The following ZDHHC21 variants were observed in gnomAD, a reference collection of about 807,000 sequenced individuals.
The protein encoded by ZDHHC21 is zDHHC palmitoyltransferase 21.
A neutral mutation model predicts 34.6 loss-of-function variants in ZDHHC21; 15 were observed. The observed-to-expected ratio is 0.43, with a 90% CI of 0.29 to 0.67. The LOEUF (loss-of-function observed/expected upper bound fraction) is 0.67. Among genes scored for constraint, ZDHHC21 ranks in the 30% least tolerant of loss-of-function variants. The pLI, the probability that ZDHHC21 is intolerant of heterozygous loss-of-function variation, is 0.14. For synonymous variants in ZDHHC21, 142 were observed against 101.8 expected, an observed-to-expected ratio of 1.40 and a Z score of -2.38; for missense variants, 344 against 327.7, an observed-to-expected ratio of 1.05 and a Z score of -0.38.
chr9:14,622,963 T>C (rs1376996405), intron 8 of ZDHHC21, among the ~76,000 whole-genome samples: 1 of 152,096 alleles, frequency 6.6e-6, no homozygotes. Context: ...CGTAGTTACC[T>C]AATGACTCTA....
the ZDHHC21 span, among the ~76,000 whole-genome samples, chr9:14,602,347 A>G: frequency 6.6e-6 from 1 of 152,068 alleles, no homozygotes; most frequent in Non-Finnish European, 1.5e-5. Flanking sequence ...GGACCTCATA[A>G]AGTGACAAAG....
At chr9:14,683,468 T>A (rs1332081308) in intron 2 of ZDHHC21, 1 of 152,184 alleles carries the variant, frequency 6.6e-6, no homozygotes, top group African/African-American at 2.4e-5. Flanking sequence ...GATAAATTCC[T>A]GGACACATAC....
chr9:14,656,749 C>T (rs1587195450), intron 7 of ZDHHC21, among the ~76,000 whole-genome samples: 1 of 151,990 alleles, frequency 6.6e-6, no homozygotes, highest in African/African-American at 2.4e-5. Flanking sequence ...TTTCTAACAA[C>T]CAACATAATG....
intron 3 of ZDHHC21, among the ~76,000 whole-genome samples, chr9:14,678,641 T>C (rs545379472): frequency 4.1e-4 from 62 of 152,184 alleles, no homozygotes; most frequent in African/African-American, 1.4e-3. Flanking sequence ...GGTAAAACTC[T>C]TTTACACAGC....
intron 2 of ZDHHC21, chr9:14,683,779 G>T (rs1321957542): frequency 6.6e-6 from 1 of 152,248 alleles, no homozygotes; most frequent in African/African-American, 2.4e-5. Context: ...TATCCCTGAT[G>T]TACATCGATG....
intron 8 of ZDHHC21, among the ~76,000 whole-genome samples, chr9:14,630,351 A>G (rs898891863): frequency 6.6e-6 from 1 of 152,226 alleles, no homozygotes; most frequent in African/African-American, 2.4e-5. Context: ...CATTCATTCA[A>G]CACTGATCAT....
At chr9:14,660,995 T>G (rs1220491032) in intron 6 of ZDHHC21, among the ~76,000 whole-genome samples, 1 of 152,186 alleles carries the variant, frequency 6.6e-6, no homozygotes, top group Non-Finnish European at 1.5e-5. Flanking sequence ...AACAGATCAC[T>G]GAGCTTAAGA....
At chr9:14,605,791 T>C in the ZDHHC21 span, among the ~76,000 whole-genome samples, 5 of 152,204 alleles carry the variant, frequency 3.3e-5, no homozygotes, top group East Asian at 9.6e-4. Context: ...TGTTTTCTTT[T>C]AGGAGTTTTA....
chr9:14,593,881 G>A, the ZDHHC21 span: 1 of 152,210 alleles, frequency 6.6e-6, no homozygotes, highest in Admixed American at 6.5e-5. Flanking sequence ...GAGATCCTGA[G>A]CCACTAAGTG....
chr9:14,621,589 A>G (rs17215068), intron 8 of ZDHHC21, among the ~76,000 whole-genome samples: 9,121 of 152,184 alleles, frequency 0.06, 320 homozygotes, highest in Admixed American at 0.12. Context: ...GCTGGCCCAA[A>G]TAGGCTATTT....
At chr9:14,683,035 A>G (rs191300482) in intron 2 of ZDHHC21, among the ~76,000 whole-genome samples, 8 of 152,352 alleles carry the variant, frequency 5.3e-5, no homozygotes, top group African/African-American at 1.9e-4. Flanking sequence ...CATTCAAACC[A>G]GTGTGTAGAG....
intron 2 of ZDHHC21, among the ~76,000 whole-genome samples, chr9:14,688,730 T>C (rs1322918308): frequency 3.3e-5 from 5 of 152,046 alleles, no homozygotes; most frequent in Admixed American, 3.3e-4. Flanking sequence ...GGCATGATGG[T>C]GGGCACCTGT....
At chr9:14,591,671 A>T in the ZDHHC21 span, among the ~76,000 whole-genome samples, 1 of 152,204 alleles carries the variant, frequency 6.6e-6, no homozygotes, top group Non-Finnish European at 1.5e-5. Flanking sequence ...ACATAACATC[A>T]GTCTTTACTA....
intron 7 of ZDHHC21, 109 bp downstream of exon 7, chr9:14,658,640 T>G (rs1200036643): frequency 4.6e-6 from 4 of 869,926 alleles, no homozygotes; most frequent in African/African-American, 1.7e-5. Flanking sequence ...CCCGGCTAAT[T>G]TTTTGTATTT....
intron 5 of ZDHHC21, among the ~76,000 whole-genome samples, chr9:14,664,822 G>C (rs1025892015): frequency 8.6e-5 from 13 of 150,638 alleles, no homozygotes; most frequent in Admixed American, 2.0e-4. Context: ...AAACAGAAAG[G>C]ACATCCACAC....
chr9:14,639,169 C>T (rs1322751205), intron 8 of ZDHHC21, among the ~76,000 whole-genome samples: 1 of 152,010 alleles, frequency 6.6e-6, no homozygotes, highest in Non-Finnish European at 1.5e-5. Flanking sequence ...TGGAATAATA[C>T]TATGAGCCAT....
chr9:14,678,307 C>T (rs531084989), intron 3 of ZDHHC21, among the ~76,000 whole-genome samples: 4 of 152,108 alleles, frequency 2.6e-5, no homozygotes, highest in African/African-American at 9.6e-5. Context: ...AAAATTAACA[C>T]ATCTGAAGCC....
At chr9:14,620,007 C>G (rs1316121701) in intron 8 of ZDHHC21, among the ~76,000 whole-genome samples, 1 of 151,894 alleles carries the variant, frequency 6.6e-6, no homozygotes. Flanking sequence ...AATCTACTTT[C>G]AATTTAACTG....
intron 2 of ZDHHC21, among the ~76,000 whole-genome samples, chr9:14,684,064 A>C (rs1314429027): frequency 2.6e-5 from 4 of 152,160 alleles, no homozygotes; most frequent in African/African-American, 7.2e-5. Context: ...AAATAATCAG[A>C]GCTATTTATG....
Sources: gnomAD v4.1 joint callset for allele counts (sites outside exome capture counted in the v4.1 genomes callset) on GRCh38, gnomAD v4.1.1 for gene constraint, MANE v1.5 for transcripts, NCBI Gene and HGNC (gene_info 2026-07-23, HGNC 2026-07-21) for gene names.